PCP4: variants seen among roughly 807,000 people sequenced by gnomAD.
The protein encoded by PCP4 is Purkinje cell protein 4, also known as calmodulin regulator protein PCP4.
Under a neutral mutation model 10.0 loss-of-function variants are expected in PCP4, and 8 were observed. That is an observed-to-expected ratio of 0.80 (90% confidence interval 0.47 to 1.45). The LOEUF is 1.45. Among genes scored for constraint, PCP4 ranks in the 40% most tolerant of loss-of-function variants. The pLI, the probability that PCP4 is intolerant of heterozygous loss-of-function variation, is 0.00. For missense variants in PCP4, 54 were observed against 74.4 expected (o/e 0.73, Z 1.01); for synonymous variants, 21 against 23.0 (o/e 0.91, Z 0.24).
chr21:39,890,469 C>T (rs996367093), intron 1 of PCP4, among the ~76,000 whole-genome samples: 1 of 152,044 alleles, frequency 6.6e-6, no homozygotes, highest in Non-Finnish European at 1.5e-5. Context: ...GATTCTCCTG[C>T]CCCAGCCTCC....
chr21:39,877,798 A>T (rs971812424), intron 1 of PCP4, among the ~76,000 whole-genome samples: 1 of 152,192 alleles, frequency 6.6e-6, no homozygotes, highest in African/African-American at 2.4e-5. Context: ...CTTGACTTTG[A>T]GGTTATACCA....
intron 1 of PCP4, among the ~76,000 whole-genome samples, chr21:39,880,725 A>T (rs2087371694): frequency 6.6e-6 from 1 of 152,306 alleles, no homozygotes; most frequent in East Asian, 1.9e-4. Context: ...TTTTCAGTTA[A>T]AGAAACATTT....
At chr21:39,895,679 A>G (rs1017230601) in intron 1 of PCP4, among the ~76,000 whole-genome samples, 1 of 152,228 alleles carries the variant, frequency 6.6e-6, no homozygotes, top group Non-Finnish European at 1.5e-5. Context: ...CATCTACCCC[A>G]TCAGGGATGC....
intron 2 of PCP4, among the ~76,000 whole-genome samples, chr21:39,920,050 GT>G (rs2087588092): frequency 7.1e-6 from 1 of 141,294 alleles, no homozygotes; most frequent in Non-Finnish European, 1.5e-5. Context: ...TGTGTGGTGT[GT>G]GTGTGTAGGG....
At chr21:39,898,998 G>A (rs758437460) in intron 2 of PCP4, among the ~76,000 whole-genome samples, 4 of 152,186 alleles carry the variant, frequency 2.6e-5, no homozygotes, top group East Asian at 3.9e-4. Context: ...TCACTGCAGC[G>A]ATTCACCAGC....
chr21:39,895,067 A>G (rs1288730445), intron 1 of PCP4, among the ~76,000 whole-genome samples: 1 of 151,048 alleles, frequency 6.6e-6, no homozygotes, highest in Non-Finnish European at 1.5e-5. Flanking sequence ...ATTCATCCAC[A>G]CACCCATTCA....
Position 39,929,382 on chromosome 21 carries a change from C to T in PCP4, c.*271C>T, listed in dbSNP as rs888026555. 1.5e-5 allele frequency: 4 copies of T among 275,240 alleles called. No individual in the cohort carries two copies. The highest frequency in any genetic ancestry group is 1.3e-5 in the Non-Finnish European group (2 of 148,298). The allele number at this position is 275,240 out of a possible 1,614,324, so 17.0% of individuals were successfully genotyped here. On this transcript the variant is annotated 3_prime_UTR_variant, in exon 3 of 3. Transcript: ENST00000328619. Reference sequence around the variant, plus strand: ...TTGATGTTGTAATAAAATGAAGTTACGATGAGTGAATTCAAGTGACTGCCT... The same window carrying T: ...TTGATGTTGTAATAAAATGAAGTTATGATGAGTGAATTCAAGTGACTGCCT...
At chr21:39,901,755 A>G (rs2087483309) in intron 2 of PCP4, among the ~76,000 whole-genome samples, 1 of 152,238 alleles carries the variant, frequency 6.6e-6, no homozygotes, top group Non-Finnish European at 1.5e-5. Flanking sequence ...GATAATGGCA[A>G]TGTATAAATG....
At chr21:39,908,445 C>T (rs1171705967) in intron 2 of PCP4, among the ~76,000 whole-genome samples, 9 of 152,152 alleles carry the variant, frequency 5.9e-5, no homozygotes, top group East Asian at 5.8e-4. Flanking sequence ...CGGAAGGCCC[C>T]GCTAGATGGC....
At chr21:39,909,096 C>T (rs978018980) in intron 2 of PCP4, among the ~76,000 whole-genome samples, 2 of 152,044 alleles carry the variant, frequency 1.3e-5, no homozygotes, top group African/African-American at 2.4e-5. Flanking sequence ...ACATTCTGAA[C>T]GTTCAAGAAG....
At chr21:39,917,902 C>T (rs2087576909) in intron 2 of PCP4, among the ~76,000 whole-genome samples, 1 of 151,990 alleles carries the variant, frequency 6.6e-6, no homozygotes, top group South Asian at 2.1e-4. Context: ...CAGGCTGGGC[C>T]CTCATCCAGT....
chr21:39,905,138 A>G (rs2087500545), intron 2 of PCP4, among the ~76,000 whole-genome samples: 1 of 152,198 alleles, frequency 6.6e-6, no homozygotes, highest in East Asian at 1.9e-4. Context: ...GCTGCTGTGA[A>G]TACCAGAGGC....
At chr21:39,890,831 C>T (rs1195565492) in intron 1 of PCP4, among the ~76,000 whole-genome samples, 2 of 152,108 alleles carry the variant, frequency 1.3e-5, no homozygotes, top group African/African-American at 4.8e-5. Context: ...GTGGCTATTT[C>T]AAGAACACTG....
At chr21:39,898,265 T>G in intron 1 of PCP4, 1 of 606,762 alleles carries the variant, frequency 1.6e-6, no homozygotes, top group East Asian at 2.9e-5. Flanking sequence ...GAGCAGTGGA[T>G]GTGGATGAGG....
At position 39,906,902 on chromosome 21, in the gene PCP4, T is replaced by C. The variant is rs75590776; in HGVS notation, c.61+8375T>C. ...AAATGTTTCAGGTTCTGCTTGTCAATTACTTTTATGGAAATAGTATTTCTC... is the reference window on the plus strand; with the variant it reads ...AAATGTTTCAGGTTCTGCTTGTCAACTACTTTTATGGAAATAGTATTTCTC... On this transcript the variant is annotated intron_variant, in intron 2 of 2. Transcript: ENST00000328619. The surrounding 1 kb of genome is among the most constrained non-coding windows in gnomAD (Gnocchi z 6.3). 0.011 allele frequency among the ~76,000 whole-genome samples: 1,679 copies of C among 152,292 alleles called. 38 individuals carry two copies. Among genetic ancestry groups the C allele is most frequent in the African/African-American group, 0.038 (1,589 of 41,554 alleles).
chr21:39,911,115 G>A (rs1221418119), intron 2 of PCP4, among the ~76,000 whole-genome samples: 2 of 152,100 alleles, frequency 1.3e-5, no homozygotes, highest in Non-Finnish European at 2.9e-5. Flanking sequence ...TATCGCACAT[G>A]AGTCCACAGG....
intron 1 of PCP4, among the ~76,000 whole-genome samples, chr21:39,879,508 C>T (rs990829447): frequency 1.3e-5 from 2 of 152,072 alleles, no homozygotes; most frequent in Non-Finnish European, 2.9e-5. Context: ...TGAGAGTTCC[C>T]CCACAGTTGC....
chr21:39,877,713 CA>C (rs1188236061), intron 1 of PCP4, among the ~76,000 whole-genome samples: 1 of 151,622 alleles, frequency 6.6e-6, no homozygotes, highest in Non-Finnish European at 1.5e-5. Flanking sequence ...AAAACAAATA[CA>C]AAAACAAAAC....
chr21:39,867,603 G>A, intron 1 of PCP4, 93 bp downstream of exon 1: 1 of 1,148,640 alleles, frequency 8.7e-7, no homozygotes, highest in East Asian at 2.3e-5. Flanking sequence ...GGACTTAGCA[G>A]TGCTGAGGAA....
Sources: gnomAD v4.1 joint callset for allele counts (sites outside exome capture counted in the v4.1 genomes callset) on GRCh38, gnomAD v4.1.1 for gene constraint, Gnocchi (gnomAD v3.1) non-coding constraint, MANE v1.5 for transcripts, NCBI Gene and HGNC (gene_info 2026-07-23, HGNC 2026-07-21) for gene names.